Variants in PNPLA7 observed in about 807,000 individuals in gnomAD.
PNPLA7 encodes the protein patatin-like phospholipase domain-containing protein 7.
A neutral mutation model predicts 161.7 loss-of-function variants in PNPLA7; 153 were observed. The observed-to-expected ratio is 0.95, with a 90% CI of 0.83 to 1.08. The LOEUF is 1.08. Ranked by LOEUF, PNPLA7 falls within the 50% of genes least tolerant of loss-of-function variation. The probability of loss-of-function intolerance (pLI) is 0.00; values close to 1 mark genes in which losing one functional copy is unlikely to be tolerated. For synonymous variants in PNPLA7, 809 were observed against 782.1 expected (o/e 1.03, Z -0.57); for missense variants, 1,739 against 1,856.6 (o/e 0.94, Z 1.16).
At chr9:137,498,545 ACTGCACATGCCG>A (rs1310850405) in intron 16 of PNPLA7, among the ~76,000 whole-genome samples, 1 of 152,194 alleles carries the variant, frequency 6.6e-6, no homozygotes, top group Non-Finnish European at 1.5e-5. Flanking sequence ...CTGGCAGGGG[ACTGCACATGCCG>A]TCAGGAGCTG....
In PNPLA7 at chr9:137,487,308, T is replaced by TC. The variant is rs1166575620; in HGVS notation, c.2198-2573dup. 5.9e-5 allele frequency among the ~76,000 whole-genome samples: 9 copies of TC among 152,348 alleles called. 1 individual carries two copies. The East Asian group carries it at 1.7e-3, about 29-fold the overall frequency. ...GCAGCGCTGGAGACGTGCAGAGGCATCCACACCGGGCCCTGGTCGGGATAA... is the reference window on the plus strand; with the variant it reads ...GCAGCGCTGGAGACGTGCAGAGGCATCCCACACCGGGCCCTGGTCGGGATAA... On this transcript the variant is annotated intron_variant, in intron 20 of 34. Transcript: ENST00000406427.
chr9:137,466,680 C>T (rs1198094481), intron 26 of PNPLA7, among the ~76,000 whole-genome samples: 12 of 139,508 alleles, frequency 8.6e-5, no homozygotes, highest in African/African-American at 2.7e-4. Flanking sequence ...GACCACCTCC[C>T]ACCACCATCT....
chr9:137,545,796 G>C (rs1186761637), intron 4 of PNPLA7, among the ~76,000 whole-genome samples: 2 of 152,214 alleles, frequency 1.3e-5, no homozygotes, highest in African/African-American at 4.8e-5. Flanking sequence ...TGCCCGGACA[G>C]GGCCACCAGA....
rs772360846 is a variant in PNPLA7 at position 137,467,290 on chromosome 9, C to T, written c.3039+27G>A. The T allele has an allele frequency of 1.4e-4, 225 of 1,596,298 alleles. No individual in the cohort carries two copies. The highest frequency in any genetic ancestry group is 6.5e-4 in the South Asian group (58 of 88,832). On this transcript the variant is annotated intron_variant, in intron 26 of 34. Transcript: ENST00000406427. This position sits in a 1 kb window ranked among gnomAD's most constrained non-coding sequence, Gnocchi z 5.1. ...CAGCAAGGACCTGGGGGCTGTGCTC[C>T]GGTGAGGGTGATGGGTGCCTGCTTA... is the stretch of plus-strand genomic sequence containing the variant.
At chr9:137,530,337 G>A (rs1024426635) in intron 8 of PNPLA7, among the ~76,000 whole-genome samples, 1 of 152,208 alleles carries the variant, frequency 6.6e-6, no homozygotes, top group African/African-American at 2.4e-5. Flanking sequence ...GCCTTGTACA[G>A]GTTCACAGAC....
chr9:137,525,928 T>A (rs908051732), intron 8 of PNPLA7, among the ~76,000 whole-genome samples: 1 of 148,864 alleles, frequency 6.7e-6, no homozygotes, highest in Non-Finnish European at 1.5e-5. Context: ...AGGCTCACAC[T>A]TGTCTTTGGT....
chr9:137,478,202 C>T (rs959840405), intron 24 of PNPLA7, 50 bp from the exon 25 acceptor site: 14 of 1,222,944 alleles, frequency 1.1e-5, no homozygotes, highest in East Asian at 3.2e-5. Context: ...CACCCTCGGC[C>T]GAGACCTCGC....
chr9:137,530,744 T>C (rs1047060437), intron 8 of PNPLA7, among the ~76,000 whole-genome samples: 7 of 152,226 alleles, frequency 4.6e-5, no homozygotes, highest in African/African-American at 1.7e-4. Flanking sequence ...TTTGAGAGCC[T>C]GAATGAAGAT....
chr9:137,465,906 T>C (rs1831440323), intron 26 of PNPLA7, among the ~76,000 whole-genome samples: 1 of 152,202 alleles, frequency 6.6e-6, no homozygotes, highest in Non-Finnish European at 1.5e-5. Context: ...TGCCTCCCTC[T>C]GCTGCCCGAG....
intron 12 of PNPLA7, among the ~76,000 whole-genome samples, chr9:137,511,341 C>T (rs954777203): frequency 6.6e-6 from 1 of 151,874 alleles, no homozygotes; most frequent in African/African-American, 2.4e-5. Flanking sequence ...GCGCCAGTGC[C>T]TGGGAAGGCA....
Position 137,523,667 on chromosome 9 carries a change from T to C in PNPLA7, c.748-810A>G, listed in dbSNP as rs977981609. Among the ~76,000 whole-genome samples, 12 of 150,144 alleles carry C rather than the reference T, an allele frequency of 8.0e-5. No homozygotes were observed. Among genetic ancestry groups the C allele is most frequent in the South Asian group, 4.2e-4 (2 of 4,710 alleles). On this transcript the variant is annotated intron_variant, in intron 8 of 34. Transcript: ENST00000406427. The surrounding 1 kb of genome is among the most constrained non-coding windows in gnomAD (Gnocchi z 4.4). The stretch of plus-strand genomic sequence containing the variant: ...TTTGAGACAGAGTCTCGTTCTGTCG[T>C]CCAGGCTGGAGTGCAATGGCGTGAT...
Position 137,500,623 on chromosome 9 carries a change from A to G in PNPLA7, c.1757+68T>C. Reference sequence around the variant, plus strand: ...TGAGAGCACCAGGAAGAGGCCGGCCACGCGGGGAGGGGTCTCAGGGCAGGG... The same window carrying G: ...TGAGAGCACCAGGAAGAGGCCGGCCGCGCGGGGAGGGGTCTCAGGGCAGGG... On this transcript the variant is annotated intron_variant, in intron 16 of 34. Transcript: ENST00000406427. The surrounding 1 kb of genome is among the most constrained non-coding windows in gnomAD (Gnocchi z 5.5). 1 of 1,466,464 alleles carries G rather than the reference A, an allele frequency of 6.8e-7. No homozygotes were observed. The highest frequency in any genetic ancestry group is 1.4e-5 in the African/African-American group (1 of 71,494). 90.8% of individuals were successfully genotyped at this position (1,466,464 alleles called of 1,614,324 possible).
intron 18 of PNPLA7, among the ~76,000 whole-genome samples, 175 bp downstream of exon 18, chr9:137,497,012 C>T (rs1833095199): frequency 6.6e-6 from 1 of 152,232 alleles, no homozygotes. Context: ...GGAGTCCCCC[C>T]AATGGAGGCA....
chr9:137,545,787 G>A (rs559465791), intron 4 of PNPLA7, among the ~76,000 whole-genome samples: 72 of 152,318 alleles, frequency 4.7e-4, no homozygotes, highest in South Asian at 1.4e-3. Context: ...CTTCTGTTAT[G>A]CCCGGACAGG....
At chr9:137,495,870 C>G (rs1327197216) in intron 18 of PNPLA7, among the ~76,000 whole-genome samples, 1 of 152,218 alleles carries the variant, frequency 6.6e-6, no homozygotes, top group Admixed American at 6.5e-5. Flanking sequence ...CTGGAACCAC[C>G]AGGCTGCACA....
In PNPLA7 at chr9:137,500,561, G is replaced by C. The variant is rs1319334385; in HGVS notation, c.1757+130C>G. 1 of 873,522 alleles carries C rather than the reference G, an allele frequency of 1.1e-6. No homozygotes were observed. Among genetic ancestry groups the C allele is most frequent in the Non-Finnish European group, 1.7e-6 (1 of 573,542 alleles). The allele number at this position is 873,522 out of a possible 1,614,324, so 54.1% of individuals were successfully genotyped here. On this transcript the variant is annotated intron_variant, in intron 16 of 34. Coordinates refer to ENST00000406427, the MANE Select transcript of PNPLA7 (RefSeq NM_001098537.3). The surrounding 1 kb of genome is among the most constrained non-coding windows in gnomAD (Gnocchi z 5.5). ...CAGACCTGGGCCCACACAGGTGCCG[G>C]GGACAAAGAGGGGAGCCCGAGAAGC...
chr9:137,505,717 G>T lies in PNPLA7; in HGVS notation c.1370C>A (p.Ser457Tyr). Residue 457 changes from serine (S) to tyrosine (Y), a missense_variant, in exon 14 of 35, where the codon TCC becomes TAC. By Grantham distance (144) the Ser-to-Tyr change is moderately radical (BLOSUM62 -2). Transcript: ENST00000406427. ...ATCCGTGTGACTCTCTGAGTGCTGG[G>T]AGACCGTGGAGGGTATCTCTGCAAC... ...VMVAEIPSTV[S>Y]QHSESHTDET... 1.2e-6 allele frequency: 2 copies of T among 1,614,122 alleles called. No homozygotes were observed. Among genetic ancestry groups the T allele is most frequent in the Non-Finnish European group, 1.7e-6 (2 of 1,180,028 alleles).
rs117944638 is a variant in PNPLA7, at chr9:137,522,659, C to A, written c.876+70G>T. On this transcript the variant is annotated intron_variant, in intron 9 of 34. Transcript: ENST00000406427. ...GTGGGCAATAAACCCACTCAAATCC[C>A]AAACCAGTGCCCAGGCCCCCCCAGG... 4.1e-4 allele frequency: 651 copies of A among 1,572,838 alleles called. 9 individuals carry two copies. In the East Asian group the frequency reaches 0.014, roughly 33 times the overall value.
chr9:137,478,565 C>T, intron 24 of PNPLA7: 1 of 179,044 alleles, frequency 5.6e-6, no homozygotes, highest in East Asian at 1.5e-4. Context: ...TCCCCACACC[C>T]CTCACTCTCA....
Sources: gnomAD v4.1 joint callset for allele counts (sites outside exome capture counted in the v4.1 genomes callset) on GRCh38, gnomAD v4.1.1 for gene constraint, Gnocchi (gnomAD v3.1) non-coding constraint, MANE v1.5 for transcripts, NCBI Gene and HGNC (gene_info 2026-07-23, HGNC 2026-07-21) for gene names.